Variants in GRID2 observed in about 807,000 individuals in gnomAD.
The protein encoded by GRID2 is glutamate receptor ionotropic, delta-2.
Under a neutral mutation model 114.8 loss-of-function variants are expected in GRID2, and 33 were observed. The ratio of observed to expected loss-of-function variants is 0.29; its 90% CI spans 0.22 to 0.38. The LOEUF (loss-of-function observed/expected upper bound fraction) is 0.38, where lower values mean the gene tolerates loss of function less well. Ranked by LOEUF, GRID2 falls within the 10% of genes least tolerant of loss-of-function variation. The probability of loss-of-function intolerance (pLI) is 1.00; values close to 1 mark genes in which losing one functional copy is unlikely to be tolerated. For synonymous variants in GRID2, 505 were observed against 449.9 expected, an observed-to-expected ratio of 1.12 and a Z score of -1.55; for missense variants, 1,184 against 1,257.7, an observed-to-expected ratio of 0.94 and a Z score of 0.89.
intron 2 of GRID2, among the ~76,000 whole-genome samples, chr4:92,745,432 C>T (rs1338954356): frequency 6.6e-6 from 1 of 152,152 alleles, no homozygotes; most frequent in Non-Finnish European, 1.5e-5. Flanking sequence ...TGTATAGACA[C>T]ACACACATAC....
chr4:93,156,981 A>G (rs1160222098), intron 4 of GRID2, among the ~76,000 whole-genome samples: 1 of 151,788 alleles, frequency 6.6e-6, no homozygotes, highest in Non-Finnish European at 1.5e-5. Flanking sequence ...AGCATCATAT[A>G]AAGTAGCCCC....
chr4:93,190,455 T>G (rs1740873418), intron 4 of GRID2, among the ~76,000 whole-genome samples: 1 of 152,290 alleles, frequency 6.6e-6, no homozygotes, highest in East Asian at 1.9e-4. Context: ...CTTGACATTT[T>G]GGTGAACCAC....
At chr4:93,493,310 A>G (rs1033730833) in intron 12 of GRID2, among the ~76,000 whole-genome samples, 2 of 151,870 alleles carry the variant, frequency 1.3e-5, no homozygotes, top group Non-Finnish European at 2.9e-5. Context: ...CATGGTTAAC[A>G]TTGACTGAGA....
chr4:93,519,996 G>A (rs1025838230), intron 13 of GRID2, among the ~76,000 whole-genome samples: 2 of 152,078 alleles, frequency 1.3e-5, no homozygotes, highest in Non-Finnish European at 2.9e-5. Context: ...TAAAATGGAA[G>A]CCAAGGCAAA....
chr4:93,724,137 C>T (rs2110202144), intron 14 of GRID2, among the ~76,000 whole-genome samples: 1 of 152,318 alleles, frequency 6.6e-6, no homozygotes, highest in South Asian at 2.1e-4. Flanking sequence ...TGGCTACCAT[C>T]CAGATTCACT....
chr4:93,075,007 A>C (rs576741674), intron 2 of GRID2, among the ~76,000 whole-genome samples: 1 of 152,318 alleles, frequency 6.6e-6, no homozygotes, highest in African/African-American at 2.4e-5. Flanking sequence ...GGGCCCAGAA[A>C]GTTTCACTGG....
chr4:92,583,634 T>C (rs997398294), intron 1 of GRID2, among the ~76,000 whole-genome samples: 2 of 151,044 alleles, frequency 1.3e-5, no homozygotes, highest in African/African-American at 4.9e-5. Flanking sequence ...ACTTAATTAA[T>C]ATTTCCTGAG....
chr4:92,465,552 T>C (rs561685606), intron 1 of GRID2, among the ~76,000 whole-genome samples: 38 of 152,272 alleles, frequency 2.5e-4, no homozygotes, highest in African/African-American at 8.4e-4. Flanking sequence ...TTGTAGATGA[T>C]GTTGGCACTT....
intron 10 of GRID2, among the ~76,000 whole-genome samples, chr4:93,439,864 A>G (rs953339755): frequency 2.6e-5 from 4 of 152,076 alleles, no homozygotes; most frequent in African/African-American, 9.7e-5. Flanking sequence ...CATTCTTCCC[A>G]TAAAGTCGAG....
chr4:93,418,744 T>A (rs1378979429), intron 9 of GRID2, among the ~76,000 whole-genome samples: 1 of 152,076 alleles, frequency 6.6e-6, no homozygotes, highest in Non-Finnish European at 1.5e-5. Flanking sequence ...TTGGACATCA[T>A]ATTCAAAAAT....
At chr4:93,059,516 T>C (rs1578872109) in intron 2 of GRID2, among the ~76,000 whole-genome samples, 1 of 152,210 alleles carries the variant, frequency 6.6e-6, no homozygotes, top group East Asian at 1.9e-4. Flanking sequence ...AAGTGTCACC[T>C]GGGGGAGCAA....
At chr4:92,766,513 G>A (rs959790204) in intron 2 of GRID2, among the ~76,000 whole-genome samples, 11 of 147,558 alleles carry the variant, frequency 7.5e-5, no homozygotes, top group Non-Finnish European at 1.3e-4. Context: ...CTACAGCTTG[G>A]GCGACAGAGC....
intron 2 of GRID2, among the ~76,000 whole-genome samples, chr4:92,947,822 A>C (rs1751752660): frequency 1.3e-5 from 2 of 151,882 alleles, no homozygotes; most frequent in South Asian, 4.1e-4. Flanking sequence ...ATATATCACA[A>C]GCTTTTAATA....
rs527260924 is a variant in GRID2 at position 93,371,301 on chromosome 4, G to A, written c.1246-24306G>A. On this transcript the variant is annotated intron_variant, in intron 8 of 15. Coordinates refer to ENST00000282020, the MANE Select transcript of GRID2 (RefSeq NM_001510.4). ...GCACCAGGTACAGTTACATTCAGAT[G>A]CTCAAGCAATGCCATTAGGGAACTG... 3.3e-5 allele frequency among the ~76,000 whole-genome samples: 5 copies of A among 152,062 alleles called. No individual in the cohort carries two copies. In the South Asian group the frequency reaches 1.0e-3, roughly 32 times the overall value.
chr4:93,278,520 G>T (rs920552075), intron 8 of GRID2, among the ~76,000 whole-genome samples: 5 of 151,948 alleles, frequency 3.3e-5, no homozygotes, highest in African/African-American at 9.7e-5. Flanking sequence ...TGGTGACACA[G>T]GATGAGAAGC....
At chr4:92,613,916 C>T (rs1046448208) in intron 2 of GRID2, among the ~76,000 whole-genome samples, 3 of 151,218 alleles carry the variant, frequency 2.0e-5, no homozygotes, top group East Asian at 1.9e-4. Context: ...TTTTACTTGG[C>T]ACATGATAAT....
chr4:92,632,614 G>T (rs535665069), intron 2 of GRID2, among the ~76,000 whole-genome samples: 1 of 151,730 alleles, frequency 6.6e-6, no homozygotes, highest in Non-Finnish European at 1.5e-5. Context: ...CCTGAGCCAC[G>T]GAGCGAGATT....
chr4:93,218,850 C>G (rs1174370463), intron 6 of GRID2, among the ~76,000 whole-genome samples: 2 of 152,110 alleles, frequency 1.3e-5, no homozygotes, highest in Admixed American at 6.6e-5. Flanking sequence ...CATGTCCTTC[C>G]TCACATCGCA....
At chr4:93,561,089 T>A (rs1734881075) in intron 13 of GRID2, among the ~76,000 whole-genome samples, 1 of 152,124 alleles carries the variant, frequency 6.6e-6, no homozygotes, top group Non-Finnish European at 1.5e-5. Context: ...TGTTTGAGAT[T>A]TACTTCAAAA....
Sources: allele counts gnomAD v4.1 joint callset (sites outside exome capture counted in the v4.1 genomes callset), GRCh38; gene constraint gnomAD v4.1.1; transcripts MANE v1.5; gene names NCBI Gene and HGNC (gene_info 2026-07-23, HGNC 2026-07-21).